FER: variants seen among roughly 807,000 people sequenced by gnomAD.
FER encodes the protein FER tyrosine kinase.
Under a neutral mutation model 111.0 loss-of-function variants are expected in FER, and 63 were observed. The ratio of observed to expected loss-of-function variants is 0.57; its 90% CI spans 0.46 to 0.70. The LOEUF is 0.70. Ranked by LOEUF, FER falls within the 30% of genes least tolerant of loss-of-function variation. FER has a pLI of 0.00. For missense variants in FER, 914 were observed against 954.0 expected (o/e 0.96, Z 0.55); for synonymous variants, 327 against 313.9 (o/e 1.04, Z -0.44).
intron 3 of FER, among the ~76,000 whole-genome samples, chr5:108,799,951 T>C (rs148688505): frequency 6.6e-6 from 1 of 151,924 alleles, no homozygotes; most frequent in African/African-American, 2.4e-5. Flanking sequence ...CAGGTGATTC[T>C]TGTGTCTCCG....
chr5:109,028,895 A>G lies in FER; in HGVS notation c.1657-8527A>G, dbSNP rs993164494. The stretch of plus-strand genomic sequence containing the variant: ...AAAGTTCTTACCAGGGGCTGATCAC[A>G]TACCTGTTAACATGACCAGCCATGT... On this transcript the variant is annotated intron_variant, in intron 13 of 19. Transcript: ENST00000281092. 1.1e-4 allele frequency among the ~76,000 whole-genome samples: 17 copies of G among 149,044 alleles called. No homozygotes were observed. In the East Asian group the frequency reaches 2.9e-3, roughly 25 times the overall value.
chr5:109,195,544 G>C lies in FER; in HGVS notation c.*7969G>C, dbSNP rs1759681419. The stretch of plus-strand genomic sequence containing the variant: ...ATTCAATCCCCAATATAGATTCTAA[G>C]CATCAAATCAAAATCACAGACAAAG... On this transcript the variant is annotated 3_prime_UTR_variant, in exon 20 of 20. Transcript: ENST00000281092. The C allele has an allele frequency of 6.6e-6, 1 of 152,084 alleles. No homozygotes were observed. The highest frequency in any genetic ancestry group is 2.4e-5 in the African/African-American group (1 of 41,412). 9.4% of individuals were successfully genotyped at this position (152,084 alleles called of 1,614,324 possible).
chr5:108,999,725 C>G (rs1477447723), intron 13 of FER, among the ~76,000 whole-genome samples: 1 of 144,928 alleles, frequency 6.9e-6, no homozygotes, highest in Middle Eastern at 3.2e-3. Flanking sequence ...TTTTTGCCAT[C>G]CTGGTAGGTA....
chr5:109,093,717 CT>C (rs1214665787), intron 16 of FER, among the ~76,000 whole-genome samples: 4 of 152,084 alleles, frequency 2.6e-5, no homozygotes, highest in African/African-American at 9.7e-5. Flanking sequence ...TCTCACATCT[CT>C]TTTAAAAATG....
In FER at chr5:108,855,785, AC is replaced by A. The variant is rs1762950878; in HGVS notation, c.482-11981del. ...AAAGTGTAGGTTATTGGTGATTTTG[AC>A]AAGAGAAGTTTCAGTGGAGTAGTAC... On this transcript the variant is annotated intron_variant, in intron 5 of 19. Transcript: ENST00000281092. Among the ~76,000 whole-genome samples the A allele has an allele frequency of 2.0e-5, 3 of 152,214 alleles. No homozygotes were observed. The Middle Eastern group carries it at 0.01, about 518-fold the overall frequency.
At chr5:109,164,914 G>A (rs759503701) in intron 17 of FER, among the ~76,000 whole-genome samples, 4 of 152,118 alleles carry the variant, frequency 2.6e-5, no homozygotes, top group Non-Finnish European at 5.9e-5. Context: ...CAACAATTAT[G>A]TAGTCGTAAT....
At chr5:108,862,615 T>C (rs1409311714) in intron 5 of FER, among the ~76,000 whole-genome samples, 2 of 152,186 alleles carry the variant, frequency 1.3e-5, no homozygotes, top group Non-Finnish European at 2.9e-5. Context: ...CCTTTTGAAC[T>C]GACAGTAAAA....
chr5:109,195,016 A>C lies in FER; in HGVS notation c.*7441A>C, dbSNP rs932167443. ...TCCTAGGTAAAAGAACCAGCCTGGC[A>C]GTCTTTCCCACCTCATTGGTCCGTG... On this transcript the variant is annotated 3_prime_UTR_variant, in exon 20 of 20. Coordinates refer to ENST00000281092, the MANE Select transcript of FER (RefSeq NM_005246.4). The C allele has an allele frequency of 1.3e-5, 2 of 152,208 alleles. No individual in the cohort carries two copies. The highest frequency in any genetic ancestry group is 2.9e-5 in the Non-Finnish European group (2 of 68,052). 9.4% of individuals were successfully genotyped at this position (152,208 alleles called of 1,614,324 possible).
intron 10 of FER, among the ~76,000 whole-genome samples, chr5:108,920,711 C>T (rs753803951): frequency 6.6e-6 from 1 of 152,130 alleles, no homozygotes; most frequent in Non-Finnish European, 1.5e-5. Context: ...ACTACTTCAG[C>T]CAGTTTACCT....
chr5:108,869,767 A>G (rs533469315), intron 6 of FER, among the ~76,000 whole-genome samples: 47 of 152,206 alleles, frequency 3.1e-4, no homozygotes, highest in South Asian at 1.2e-3. Flanking sequence ...TAGAAGCGCA[A>G]ATTTGTCTTT....
intron 17 of FER, among the ~76,000 whole-genome samples, chr5:109,138,600 TTTTG>T (rs1384285973): frequency 6.7e-6 from 1 of 149,486 alleles, no homozygotes; most frequent in African/African-American, 2.4e-5. Flanking sequence ...TCTGGGTTAT[TTTTG>T]TTTGTTTGAA....
intron 17 of FER, among the ~76,000 whole-genome samples, chr5:109,132,855 T>A (rs1044907881): frequency 6.6e-6 from 1 of 152,232 alleles, no homozygotes; most frequent in Admixed American, 6.5e-5. Context: ...GACTTCAGGC[T>A]CCTCTTAGTA....
At chr5:108,985,782 G>A (rs1342691768) in intron 13 of FER, among the ~76,000 whole-genome samples, 1 of 152,102 alleles carries the variant, frequency 6.6e-6, no homozygotes, top group Non-Finnish European at 1.5e-5. Context: ...CTGTTTTATG[G>A]CTGAATAGTG....
intron 17 of FER, among the ~76,000 whole-genome samples, chr5:109,133,497 A>T (rs1752579768): frequency 6.6e-6 from 1 of 152,138 alleles, no homozygotes; most frequent in African/African-American, 2.4e-5. Context: ...AGTAAAGGCA[A>T]TATTTTTAAA....
chr5:109,146,273 T>TCTATCTA (rs375654116), intron 17 of FER, among the ~76,000 whole-genome samples: 2 of 62,240 alleles, frequency 3.2e-5, no homozygotes, highest in Non-Finnish European at 7.2e-5. Flanking sequence ...TATATATATA[T>TCTATCTA]ATATATATAT....
At chr5:109,132,788 G>A (rs973047456) in intron 17 of FER, among the ~76,000 whole-genome samples, 1 of 152,184 alleles carries the variant, frequency 6.6e-6, no homozygotes, top group Admixed American at 6.5e-5. Flanking sequence ...GCAGCACCTG[G>A]TGAAAAGGGA....
chr5:108,794,524 G>GCCCCCCC (rs1415651696), intron 2 of FER, among the ~76,000 whole-genome samples: 53 of 53,686 alleles, frequency 9.9e-4, no homozygotes, highest in Non-Finnish European at 1.3e-3. Flanking sequence ...TGCCCCCTCC[G>GCCCCCCC]CACCCCCCCC....
chr5:109,100,446 A>C lies in FER; in HGVS notation c.1975A>C (p.Lys659Gln). The change falls in exon 17 of 20, where the codon AAA becomes CAA. Residue 659 changes from lysine to glutamine, a missense_variant. Around this residue, in one of 3 missense-constraint regions of FER, gnomAD observed 774 missense variants for 782.6 expected, o/e 0.99. Transcript: ENST00000281092. ...AAGGAAGAAGGATGAACTAAAACTC[A>C]AACAGTTAGTGAAATTTTCATTAGA... The part of the protein sequence containing the change: ...LRRKKDELKL[K>Q]QLVKFSLDAA... 29 of 1,611,508 alleles carry C rather than the reference A, an allele frequency of 1.8e-5. No homozygotes were observed. Among genetic ancestry groups the C allele is most frequent in the Non-Finnish European group, 2.5e-5 (29 of 1,178,148 alleles).
chr5:108,867,674 C>T lies in FER; in HGVS notation c.482-93C>T, dbSNP rs913382245. 4.1e-6 allele frequency: 5 copies of T among 1,226,700 alleles called. 1 individual carries two copies. The African/African-American group carries it at 7.8e-5, about 19-fold the overall frequency. 76.0% of individuals were successfully genotyped at this position (1,226,700 alleles called of 1,614,324 possible). On this transcript the variant is annotated intron_variant, in intron 5 of 19. Transcript: ENST00000281092. ...TTTGTTTAAAAAATGCGTGAAATAA[C>T]ATAAAACAGTAGTAATTCAGTTTGT...
Sources: gnomAD v4.1 joint callset for allele counts (sites outside exome capture counted in the v4.1 genomes callset) on GRCh38, gnomAD v4.1.1 for gene constraint, gnomAD v4.1.1 regional missense constraint, MANE v1.5 for transcripts, NCBI Gene and HGNC (gene_info 2026-07-23, HGNC 2026-07-21) for gene names.